The following GRIP1 variants were observed in gnomAD, a reference collection of about 807,000 sequenced individuals.
The protein encoded by GRIP1 is glutamate receptor interacting protein 1.
Under a neutral mutation model 129.9 loss-of-function variants are expected in GRIP1, and 45 were observed. The ratio of observed to expected loss-of-function variants is 0.35; its 90% CI spans 0.27 to 0.44. The LOEUF (loss-of-function observed/expected upper bound fraction) is 0.44. GRIP1 is among the 20% of genes least tolerant of loss of function. The probability of loss-of-function intolerance (pLI) is 1.00; values close to 1 mark genes in which losing one functional copy is unlikely to be tolerated. For missense variants in GRIP1, 1,196 were observed against 1,396.8 expected (o/e 0.86, Z 2.29); for synonymous variants, 530 against 520.8 (o/e 1.02, Z -0.24).
intron 7 of GRIP1, among the ~76,000 whole-genome samples, chr12:66,470,192 C>A (rs998988827): frequency 1.3e-5 from 2 of 152,166 alleles, no homozygotes; most frequent in African/African-American, 4.8e-5. Context: ...AGCTTAAAAG[C>A]TTTCCACAGC....
At chr12:66,354,519 C>T (rs1255387729) in intron 23 of GRIP1, among the ~76,000 whole-genome samples, 3 of 152,158 alleles carry the variant, frequency 2.0e-5, no homozygotes, top group South Asian at 2.1e-4. Flanking sequence ...GCACACTCAG[C>T]GCTTGATGCT....
At chr12:66,948,257 TC>T (rs2137478364) in intron 1 of GRIP1, among the ~76,000 whole-genome samples, 1 of 152,294 alleles carries the variant, frequency 6.6e-6, no homozygotes, top group South Asian at 2.1e-4. Flanking sequence ...ACTTTTAGAG[TC>T]CCTCCTTAAA....
chr12:66,364,387 A>C (rs1005424694), intron 23 of GRIP1, among the ~76,000 whole-genome samples: 2 of 152,072 alleles, frequency 1.3e-5, no homozygotes, highest in Non-Finnish European at 2.9e-5. Flanking sequence ...AGCCAAAGGA[A>C]ACAGTGAAGA....
intron 1 of GRIP1, among the ~76,000 whole-genome samples, chr12:66,718,057 T>G (rs1376263877): frequency 6.6e-6 from 1 of 152,126 alleles, no homozygotes; most frequent in Non-Finnish European, 1.5e-5. Context: ...GGCATTATAC[T>G]TTGGAGATTG....
chr12:66,918,248 G>GA (rs35386604), intron 1 of GRIP1, among the ~76,000 whole-genome samples: 3 of 150,120 alleles, frequency 2.0e-5, no homozygotes, highest in East Asian at 1.9e-4. Context: ...TCCAAAGGTA[G>GA]AAAAAAAAAG....
At chr12:66,986,842 A>C (rs1376123337) in intron 1 of GRIP1, among the ~76,000 whole-genome samples, 2 of 136,158 alleles carry the variant, frequency 1.5e-5, no homozygotes, top group Non-Finnish European at 3.1e-5. Flanking sequence ...AATAAAATAA[A>C]ATTTTTAAAA....
At position 67,031,753 on chromosome 12, in the gene GRIP1, G is replaced by A. The variant is rs558110760; in HGVS notation, c.58+37297C>T. ...CATCAAATCAAATGTCTATTCCTAC[G>A]CACTTTGCCTCTCTCATCTCTTCTT... On this transcript the variant is annotated intron_variant, in intron 1 of 1. Transcript: ENST00000643019. Among the ~76,000 whole-genome samples, 5 of 151,738 alleles carry A rather than the reference G, an allele frequency of 3.3e-5. No individual in the cohort carries two copies. In the East Asian group the frequency reaches 9.7e-4, roughly 29 times the overall value.
chr12:66,781,884 A>G (rs566549033), intron 1 of GRIP1, among the ~76,000 whole-genome samples: 3 of 152,350 alleles, frequency 2.0e-5, no homozygotes, highest in African/African-American at 7.2e-5. Context: ...ATCAAAGCTG[A>G]ACATATGCAT....
intron 1 of GRIP1, among the ~76,000 whole-genome samples, chr12:66,892,956 A>T (rs181329874): frequency 1.9e-3 from 294 of 152,320 alleles, no homozygotes; most frequent in African/African-American, 5.3e-3. Flanking sequence ...ATAGAGCAAG[A>T]CGCTGCCTCA....
chr12:66,961,123 T>A (rs1455618083), intron 1 of GRIP1, among the ~76,000 whole-genome samples: 1 of 152,178 alleles, frequency 6.6e-6, no homozygotes, highest in Non-Finnish European at 1.5e-5. Context: ...ATATTTTCCA[T>A]ACAAACTAAA....
At chr12:66,540,974 A>G (rs928178526) in intron 3 of GRIP1, among the ~76,000 whole-genome samples, 4 of 145,728 alleles carry the variant, frequency 2.7e-5, no homozygotes, top group African/African-American at 1.0e-4. Context: ...TTTTTTTTTT[A>G]ATTTTTTTTT....
At chr12:66,922,985 T>C (rs2041237838) in intron 1 of GRIP1, among the ~76,000 whole-genome samples, 1 of 152,198 alleles carries the variant, frequency 6.6e-6, no homozygotes, top group East Asian at 1.9e-4. Flanking sequence ...TATATATGAT[T>C]GAGCCCATGC....
intron 2 of GRIP1, among the ~76,000 whole-genome samples, chr12:66,585,091 TC>T (rs200238120): frequency 0.01 from 1,522 of 148,006 alleles, 26 homozygotes; most frequent in African/African-American, 0.038. Context: ...CAGATATACT[TC>T]TTTTTTTTCC....
At chr12:66,863,842 A>C (rs1229924867) in intron 1 of GRIP1, among the ~76,000 whole-genome samples, 2 of 152,110 alleles carry the variant, frequency 1.3e-5, no homozygotes, top group African/African-American at 4.8e-5. Flanking sequence ...AAGCTTCTGA[A>C]CCTGTCTCCT....
chr12:66,953,703 G>A lies in GRIP1; in HGVS notation c.58+115347C>T, dbSNP rs78705858. Among the ~76,000 whole-genome samples, 588 of 151,916 alleles carry A rather than the reference G, an allele frequency of 3.9e-3. 5 individuals carry two copies. The highest frequency in any genetic ancestry group is 7.6e-3 in the Admixed American group (116 of 15,250). ...TTATAAGGACTCCTGTTCTCACCAGGGATGACAGATTAAAGAGGCAGCACT... is the reference window on the plus strand; with the variant it reads ...TTATAAGGACTCCTGTTCTCACCAGAGATGACAGATTAAAGAGGCAGCACT... On this transcript the variant is annotated intron_variant, in intron 1 of 1. Transcript: ENST00000643019.
intron 2 of GRIP1, among the ~76,000 whole-genome samples, chr12:66,546,832 T>G (rs2061961888): frequency 6.6e-6 from 1 of 151,222 alleles, no homozygotes; most frequent in South Asian, 2.1e-4. Context: ...GGATAAAAAT[T>G]TTAAGATCTA....
At chr12:66,957,595 G>A (rs2041861599) in intron 1 of GRIP1, among the ~76,000 whole-genome samples, 1 of 152,006 alleles carries the variant, frequency 6.6e-6, no homozygotes, top group Non-Finnish European at 1.5e-5. Context: ...CAGGCATTTT[G>A]CAAATGTCCC....
intron 1 of GRIP1, among the ~76,000 whole-genome samples, chr12:66,837,500 A>C (rs1450755284): frequency 1.3e-5 from 2 of 152,210 alleles, no homozygotes; most frequent in African/African-American, 4.8e-5. Context: ...TACTGTAATT[A>C]GCTCAGTGTG....
chr12:66,458,213 C>G (rs766761208), intron 9 of GRIP1, among the ~76,000 whole-genome samples: 1 of 136,870 alleles, frequency 7.3e-6, no homozygotes, highest in South Asian at 2.2e-4. Flanking sequence ...GTTTGGATTC[C>G]CCCTCTCTCT....
Sources: gnomAD v4.1 joint callset for allele counts (sites outside exome capture counted in the v4.1 genomes callset) on GRCh38, gnomAD v4.1.1 for gene constraint, MANE v1.5 for transcripts, NCBI Gene and HGNC (gene_info 2026-07-23, HGNC 2026-07-21) for gene names.